PTPN6: variants seen among roughly 807,000 people sequenced by gnomAD.
PTPN6 encodes the protein protein tyrosine phosphatase non-receptor type 6.
In PTPN6, 18 loss-of-function variants were observed where a neutral mutation model predicts 81.5. That is an observed-to-expected ratio of 0.22 (90% CI 0.15 to 0.33). The LOEUF is 0.33. Ranked by LOEUF, PTPN6 falls within the 10% of genes least tolerant of loss-of-function variation. The pLI is 1.00. For synonymous variants in PTPN6, 301 were observed against 310.9 expected (o/e 0.97, Z 0.33); for missense variants, 500 against 794.2 (o/e 0.63, Z 4.45).
In PTPN6 at chr12:6,955,583, C is replaced by G; in HGVS notation, c.748-77C>G. On this transcript the variant is annotated intron_variant, in intron 6 of 15. Transcript: ENST00000318974. The surrounding 1 kb of genome is among the most constrained non-coding windows in gnomAD (Gnocchi z 7.2). ...TTCCCCTCCTTGCCCACCTCTGCTCCTGACCCACCCCACGTGAGCTCCCCC... is the reference window on the plus strand; with the variant it reads ...TTCCCCTCCTTGCCCACCTCTGCTCGTGACCCACCCCACGTGAGCTCCCCC... 1 of 1,568,166 alleles carries G rather than the reference C, an allele frequency of 6.4e-7. No homozygotes were observed. The highest frequency in any genetic ancestry group is 8.8e-7 in the Non-Finnish European group (1 of 1,138,914).
chr12:6,959,236 G>T lies in PTPN6; in HGVS notation c.1362-691G>T, dbSNP rs2138281393. 6.4e-6 allele frequency: 1 copy of T among 156,446 alleles called. No homozygotes were observed. Among genetic ancestry groups the T allele is most frequent in the South Asian group, 1.8e-4 (1 of 5,702 alleles). 9.7% of individuals were successfully genotyped at this position (156,446 alleles called of 1,614,324 possible). ...CCACACACACATTCACACACTTCTTGAAAGCCCCATGGCCTTTATTTAGAC... is the reference window on the plus strand; with the variant it reads ...CCACACACACATTCACACACTTCTTTAAAGCCCCATGGCCTTTATTTAGAC... On this transcript the variant is annotated intron_variant, in intron 11 of 15. Coordinates refer to ENST00000318974, the MANE Select transcript of PTPN6 (RefSeq NM_002831.6). This position sits in a 1 kb window ranked among gnomAD's most constrained non-coding sequence, Gnocchi z 6.6.
At chr12:6,948,300 G>A (rs1426524976), upstream of PTPN6, among the ~76,000 whole-genome samples, 1 of 151,994 alleles carries the variant, frequency 6.6e-6, no homozygotes, top group Admixed American at 6.6e-5. Context: ...GCTGGATGTA[G>A]TGGCATGCAC....
At position 6,951,400 on chromosome 12, in the gene PTPN6, G is replaced by A. The variant is rs1480539105; in HGVS notation, c.-113G>A. ...AACTGGGACCACCGGGGGTGGTGAG[G>A]CGGCCCGGCACTGGGAGCTGCATCT... is the stretch of plus-strand genomic sequence containing the variant. On this transcript the variant is annotated 5_prime_UTR_variant, in exon 1 of 16. Coordinates refer to ENST00000318974, the MANE Select transcript of PTPN6 (RefSeq NM_002831.6). This position sits in a 1 kb window ranked among gnomAD's most constrained non-coding sequence, Gnocchi z 7.2. The A allele has an allele frequency of 5.8e-6, 9 of 1,549,254 alleles. No homozygotes were observed. In the African/African-American group the frequency reaches 1.2e-4, roughly 21 times the overall value.
chr12:6,948,020 G>A (rs1330941381), upstream of PTPN6, among the ~76,000 whole-genome samples: 10 of 151,754 alleles, frequency 6.6e-5, no homozygotes, highest in South Asian at 6.2e-4. Context: ...ATGAGGTGGC[G>A]CACGTCTGTG....
chr12:6,948,226 T>C (rs1945859530), upstream of PTPN6, among the ~76,000 whole-genome samples: 1 of 152,014 alleles, frequency 6.6e-6, no homozygotes, highest in Admixed American at 6.6e-5. Context: ...AAGACCACCC[T>C]GGGCAACATA....
In PTPN6 at chr12:6,959,688, G is replaced by C. The variant is rs1164121211; in HGVS notation, c.1362-239G>C. 1.7e-6 allele frequency: 1 copy of C among 599,384 alleles called. No individual in the cohort carries two copies. Among genetic ancestry groups the C allele is most frequent in the Admixed American group, 2.9e-5 (1 of 34,714 alleles). The allele number at this position is 599,384 out of a possible 1,614,324, so 37.1% of individuals were successfully genotyped here. A position where few individuals can be genotyped will look rare whatever the true frequency, so the allele number is the denominator to read the frequency against. On this transcript the variant is annotated intron_variant, in intron 11 of 15. Coordinates refer to ENST00000318974, the MANE Select transcript of PTPN6 (RefSeq NM_002831.6). This position sits in a 1 kb window ranked among gnomAD's most constrained non-coding sequence, Gnocchi z 6.6. ...GGAGTCGGCGCGAGGAGTGGAGGAGGGAAGGATGGTGGCAGCTGGGGAGCC... is the reference window on the plus strand; with the variant it reads ...GGAGTCGGCGCGAGGAGTGGAGGAGCGAAGGATGGTGGCAGCTGGGGAGCC...
intron 11 of PTPN6, among the ~76,000 whole-genome samples, chr12:6,958,981 A>C (rs782068022): frequency 1.1e-4 from 16 of 152,318 alleles, no homozygotes; most frequent in Admixed American, 9.1e-4. Context: ...CAGGCAGAGA[A>C]TAGGGGAATG....
rs782250828 is a variant in PTPN6, at chr12:6,952,336, T to C, written c.326+159T>C. 1 of 822,532 alleles carries C rather than the reference T, an allele frequency of 1.2e-6. No individual in the cohort carries two copies. Among genetic ancestry groups the C allele is most frequent in the African/African-American group, 1.7e-5 (1 of 59,148 alleles). 51.0% of individuals were successfully genotyped at this position (822,532 alleles called of 1,614,324 possible). On this transcript the variant is annotated intron_variant, in intron 3 of 15. Coordinates refer to ENST00000318974, the MANE Select transcript of PTPN6 (RefSeq NM_002831.6). The surrounding 1 kb of genome is among the most constrained non-coding windows in gnomAD (Gnocchi z 8.1). The stretch of plus-strand genomic sequence containing the variant: ...CTCTCAATGTCCCTCCTCCCTGCTG[T>C]CCTGGGACCTGGTGTCTCAGAGCCT...
In PTPN6 at chr12:6,957,644, C is replaced by T. The variant is rs1340772886; in HGVS notation, c.1075-10C>T. ...CTGTGCCTCATCCCCACCCGACCCT[C>T]CCTTTCCAGAACAAATGCGTCCCAT... On this transcript the variant is annotated splice_polypyrimidine_tract_variant and intron_variant, in intron 9 of 15. Transcript: ENST00000318974. The surrounding 1 kb of genome is among the most constrained non-coding windows in gnomAD (Gnocchi z 6.5). 2.5e-6 allele frequency: 4 copies of T among 1,603,892 alleles called. No homozygotes were observed. Among genetic ancestry groups the T allele is most frequent in the East Asian group, 4.5e-5 (2 of 44,494 alleles).
Position 6,960,978 on chromosome 12 carries a change from C to T in PTPN6, c.*25+33C>T, listed in dbSNP as rs56191951. On this transcript the variant is annotated intron_variant, in intron 15 of 15. Coordinates refer to ENST00000318974, the MANE Select transcript of PTPN6 (RefSeq NM_002831.6). The surrounding 1 kb of genome is among the most constrained non-coding windows in gnomAD (Gnocchi z 6.1). ...TCTTCTGCCTGGGTGTCCTCCCTGCCCTGCCCTGTGTCCTTGGCTCCACTG... is the reference window on the plus strand; with the variant it reads ...TCTTCTGCCTGGGTGTCCTCCCTGCTCTGCCCTGTGTCCTTGGCTCCACTG... The T allele has an allele frequency of 3.5e-3, 5,355 of 1,551,266 alleles. 10 individuals are homozygous for T. Among genetic ancestry groups the T allele is most frequent in the Non-Finnish European group, 4.4e-3 (5,026 of 1,147,800 alleles).
In PTPN6 at chr12:6,952,424, G is replaced by A. The variant is rs1945943575; in HGVS notation, c.326+247G>A. The A allele has an allele frequency of 1.7e-6, 1 of 574,682 alleles. No homozygotes were observed. The highest frequency in any genetic ancestry group is 3.1e-6 in the Non-Finnish European group (1 of 322,516). 35.6% of individuals were successfully genotyped at this position (574,682 alleles called of 1,614,324 possible). A position where few individuals can be genotyped will look rare whatever the true frequency, so the allele number is the denominator to read the frequency against. ...CAGAAAGCTGCCTCGCCCTACTCCG[G>A]GAGCCCTGGCCGCTGCAACCCAGGT... is the stretch of plus-strand genomic sequence containing the variant. On this transcript the variant is annotated intron_variant, in intron 3 of 15. Transcript: ENST00000318974. The surrounding 1 kb of genome is among the most constrained non-coding windows in gnomAD (Gnocchi z 8.1).
chr12:6,959,802 A>G lies in PTPN6; in HGVS notation c.1362-125A>G. 8 of 1,026,646 alleles carry G rather than the reference A, an allele frequency of 7.8e-6. No homozygotes were observed. The highest frequency in any genetic ancestry group is 1.2e-5 in the Non-Finnish European group (8 of 661,474). The allele number at this position is 1,026,646 out of a possible 1,614,324, so 63.6% of individuals were successfully genotyped here. A position where few individuals can be genotyped will look rare whatever the true frequency, so the allele number is the denominator to read the frequency against. ...TCACTTGCCCGGTGACCCTGGGCAC[A>G]TTCCCTCCCATCACTGGAGGCTCAG... On this transcript the variant is annotated intron_variant, in intron 11 of 15. Coordinates refer to ENST00000318974, the MANE Select transcript of PTPN6 (RefSeq NM_002831.6). This position sits in a 1 kb window ranked among gnomAD's most constrained non-coding sequence, Gnocchi z 6.6.
At position 6,951,950 on chromosome 12, in the gene PTPN6, C is replaced by T. The variant is rs1945934449; in HGVS notation, c.132-33C>T. On this transcript the variant is annotated intron_variant, in intron 2 of 15. Transcript: ENST00000318974. The surrounding 1 kb of genome is among the most constrained non-coding windows in gnomAD (Gnocchi z 7.2). Reference sequence around the variant, plus strand: ...CCCTGCCCTCCTGCCTCTACTCCTGCACCGACTGGCCTCACCGCCTGGTGC... The same window carrying T: ...CCCTGCCCTCCTGCCTCTACTCCTGTACCGACTGGCCTCACCGCCTGGTGC... The T allele has an allele frequency of 6.2e-7, 1 of 1,608,892 alleles. No individual in the cohort carries two copies. The highest frequency in any genetic ancestry group is 1.3e-5 in the African/African-American group (1 of 74,854).
chr12:6,958,110 G>T (rs1221360881), intron 11 of PTPN6, 37 bp downstream of exon 11: 1 of 1,603,196 alleles, frequency 6.2e-7, no homozygotes, highest in African/African-American at 1.3e-5. Flanking sequence ...AGTGACAGCT[G>T]AGAAGTAAAT....
rs781821909 is a variant in PTPN6, at chr12:6,959,674, G to A, written c.1362-253G>A. 60 of 591,720 alleles carry A rather than the reference G, an allele frequency of 1.0e-4. No homozygotes were observed. Among genetic ancestry groups the A allele is most frequent in the African/African-American group, 3.0e-4 (16 of 53,780 alleles). 36.7% of individuals were successfully genotyped at this position (591,720 alleles called of 1,614,324 possible). ...CTCACTAGGAGTGAGGAGTCGGCGC[G>A]AGGAGTGGAGGAGGGAAGGATGGTG... On this transcript the variant is annotated intron_variant, in intron 11 of 15. Transcript: ENST00000318974. The surrounding 1 kb of genome is among the most constrained non-coding windows in gnomAD (Gnocchi z 6.6).
At chr12:6,946,783 TGGAG>T (rs782257563), upstream of PTPN6, 4 of 1,585,470 alleles carry the variant, frequency 2.5e-6, no homozygotes, top group Non-Finnish European at 3.4e-6. Flanking sequence ...CTGTTAGTTT[TGGAG>T]GGAGGGAGGG....
At chr12:6,951,191 C>T, upstream of PTPN6, 1 of 1,369,352 alleles carries the variant, frequency 7.3e-7, no homozygotes. This position sits in a 1 kb window ranked among gnomAD's most constrained non-coding sequence, Gnocchi z 7.2. Flanking sequence ...TGCTCCTGAG[C>T]CTTTGATTGC....
In PTPN6 at chr12:6,954,691, G is replaced by GC; in HGVS notation, c.327-113dup. ...GGTGGTGGATTTGGAAGCATGTAGC[G>GC]CAGTGCCTGGCACACAGTAGGTGCT... On this transcript the variant is annotated intron_variant, in intron 3 of 15. Transcript: ENST00000318974. The surrounding 1 kb of genome is among the most constrained non-coding windows in gnomAD (Gnocchi z 5.4). The GC allele has an allele frequency of 9.7e-7, 1 of 1,028,058 alleles. No individual in the cohort carries two copies. Among genetic ancestry groups the GC allele is most frequent in the Non-Finnish European group, 1.5e-6 (1 of 688,990 alleles). The allele number at this position is 1,028,058 out of a possible 1,614,324, so 63.7% of individuals were successfully genotyped here.
chr12:6,951,525 G>C lies in PTPN6; in HGVS notation c.8+5G>C. On this transcript the variant is annotated splice_donor_5th_base_variant and intron_variant, in intron 1 of 15. Coordinates refer to ENST00000318974, the MANE Select transcript of PTPN6 (RefSeq NM_002831.6). The surrounding 1 kb of genome is among the most constrained non-coding windows in gnomAD (Gnocchi z 7.2). ...GGAAGCCCCCAGGATGGTGAGGTAA[G>C]GGCCTGCCACCCACGGTAGACAGGA... The C allele has an allele frequency of 6.2e-7, 1 of 1,613,876 alleles. No homozygotes were observed. The highest frequency in any genetic ancestry group is 8.5e-7 in the Non-Finnish European group (1 of 1,179,906).
Sources: gnomAD v4.1 joint callset for allele counts (sites outside exome capture counted in the v4.1 genomes callset) on GRCh38, gnomAD v4.1.1 for gene constraint, Gnocchi (gnomAD v3.1) non-coding constraint, MANE v1.5 for transcripts, NCBI Gene and HGNC (gene_info 2026-07-23, HGNC 2026-07-21) for gene names.